GPCPD1: variants seen among roughly 807,000 people sequenced by gnomAD.
GPCPD1 encodes the protein glycerophosphocholine phosphodiesterase 1, also known as glycerophosphocholine phosphodiesterase GPCPD1.
In GPCPD1, 29 loss-of-function variants were observed where a neutral mutation model predicts 89.2. That is an observed-to-expected ratio of 0.33 (90% confidence interval 0.24 to 0.44). GPCPD1 has a LOEUF of 0.44. Among genes scored for constraint, GPCPD1 ranks in the 20% least tolerant of loss-of-function variants. The pLI, the probability that GPCPD1 is intolerant of heterozygous loss-of-function variation, is 1.00. For synonymous variants in GPCPD1, 258 were observed against 266.3 expected (o/e 0.97, Z 0.30); for missense variants, 594 against 808.9 (o/e 0.73, Z 3.22).
intron 3 of GPCPD1, among the ~76,000 whole-genome samples, chr20:5,596,800 AT>A (rs1979761580): frequency 1.3e-5 from 2 of 152,186 alleles, no homozygotes; most frequent in Non-Finnish European, 1.5e-5. Flanking sequence ...ACTCACGAAT[AT>A]TGTCTAAAGG....
chr20:5,547,675 C>T lies in GPCPD1; in HGVS notation c.2005G>A (p.Val669Met), dbSNP rs752260906. 51 of 1,597,188 alleles carry T rather than the reference C, an allele frequency of 3.2e-5. No individual in the cohort carries two copies. The East Asian group carries it at 4.7e-4, about 15-fold the overall frequency. The part of the protein sequence containing the change: ...IHVDANGIDN[V>M]ENA ...TGCAATAAAAACTAAGCATTCTCCA[C>T]GTTATCAATGCCGTTGGCATCCACA... Residue 669 changes from valine to methionine, a missense_variant, in exon 20 of 20, where the codon GTG becomes ATG. By Grantham distance (21) the Val-to-Met change is conservative (BLOSUM62 1). Transcript: ENST00000379019.
chr20:5,588,448 T>A (rs1439611576), intron 4 of GPCPD1, among the ~76,000 whole-genome samples: 1 of 152,126 alleles, frequency 6.6e-6, no homozygotes, highest in East Asian at 1.9e-4. Flanking sequence ...GAGGTTGCAG[T>A]GAGCCAAGAT....
chr20:5,568,805 T>G (rs776650911), intron 12 of GPCPD1, among the ~76,000 whole-genome samples: 1 of 151,978 alleles, frequency 6.6e-6, no homozygotes, highest in South Asian at 2.1e-4. Context: ...CCTAGCTACT[T>G]AGGAGGCTGA....
intron 19 of GPCPD1, among the ~76,000 whole-genome samples, chr20:5,555,219 G>A (rs1568642261): frequency 6.6e-6 from 1 of 152,198 alleles, no homozygotes; most frequent in Non-Finnish European, 1.5e-5. Flanking sequence ...CAGGGTTTGA[G>A]AAGATGGACT....
At chr20:5,569,600 GTC>G in intron 12 of GPCPD1, among the ~76,000 whole-genome samples, 1 of 152,068 alleles carries the variant, frequency 6.6e-6, no homozygotes, top group South Asian at 2.1e-4. Context: ...CCTGCCTGCA[GTC>G]TCTGTCCTCT....
chr20:5,554,514 T>C (rs1398670098), intron 19 of GPCPD1, among the ~76,000 whole-genome samples: 1 of 152,230 alleles, frequency 6.6e-6, no homozygotes, highest in Non-Finnish European at 1.5e-5. Flanking sequence ...ACTTTGTCTG[T>C]GCTCCAGAAA....
At position 5,545,041 on chromosome 20, in the gene GPCPD1, A is replaced by T. The variant is rs1984968515; in HGVS notation, c.*2620T>A. 6.8e-6 allele frequency: 1 copy of T among 147,868 alleles called. No homozygotes were observed. The highest frequency in any genetic ancestry group is 1.5e-5 in the Non-Finnish European group (1 of 67,542). 9.2% of individuals were successfully genotyped at this position (147,868 alleles called of 1,614,324 possible). ...CAGCACATAATTCCAGAGAGTAGAA[A>T]ATACCAGAGGATAATGGCGGCATTT... On this transcript the variant is annotated 3_prime_UTR_variant, in exon 20 of 20. Transcript: ENST00000379019.
chr20:5,585,223 A>C (rs1433438446), intron 5 of GPCPD1: 1 of 152,152 alleles, frequency 6.6e-6, no homozygotes, highest in East Asian at 1.9e-4. Context: ...TATAATTTTA[A>C]GTATACTCTC....
intron 1 of GPCPD1, among the ~76,000 whole-genome samples, chr20:5,607,395 A>T (rs1263244861): frequency 6.6e-6 from 1 of 151,998 alleles, no homozygotes; most frequent in East Asian, 1.9e-4. Context: ...ATTCAAGACC[A>T]GCCTGGCCAA....
chr20:5,584,287 T>C lies in GPCPD1; in HGVS notation c.343A>G (p.Ile115Val). The C allele has an allele frequency of 7.2e-7, 1 of 1,398,558 alleles. No homozygotes were observed. The highest frequency in any genetic ancestry group is 1.4e-5 in the African/African-American group (1 of 70,620). 86.6% of individuals were successfully genotyped at this position (1,398,558 alleles called of 1,614,324 possible). A position where few individuals can be genotyped will look rare whatever the true frequency, so the allele number is the denominator to read the frequency against. Residue 115 changes from isoleucine to valine, a missense_variant, in exon 6 of 20, where the codon ATC becomes GTC. By Grantham distance (29) the Ile-to-Val change is conservative (BLOSUM62 3). Transcript: ENST00000379019. ...GTAAGTCAGTCTCACTTACTGTGGATTCCAAATTGTCCATCGTCAATAATA... is the reference window on the plus strand; with the variant it reads ...GTAAGTCAGTCTCACTTACTGTGGACTCCAAATTGTCCATCGTCAATAATA... ...EIIIDDGQFG[I>V]HNGVETLDSG...
intron 4 of GPCPD1, among the ~76,000 whole-genome samples, chr20:5,589,279 T>C (rs1979156680): frequency 6.6e-6 from 1 of 152,214 alleles, no homozygotes; most frequent in Non-Finnish European, 1.5e-5. Flanking sequence ...TATTAAACTT[T>C]AGAAGGCAAT....
At chr20:5,576,113 T>C in intron 8 of GPCPD1, 135 bp from the exon 9 acceptor site, 1 of 432,806 alleles carries the variant, frequency 2.3e-6, no homozygotes, top group Non-Finnish European at 4.0e-6. Flanking sequence ...ATATATTTTT[T>C]TTTTCATAAA....
chr20:5,586,196 A>C lies in GPCPD1; in HGVS notation c.305T>G (p.Leu102Ter). 1 of 1,527,040 alleles carries C rather than the reference A, an allele frequency of 6.5e-7. No individual in the cohort carries two copies. The highest frequency in any genetic ancestry group is 9.1e-7 in the Non-Finnish European group (1 of 1,100,986). The allele number at this position is 1,527,040 out of a possible 1,614,324, so 94.6% of individuals were successfully genotyped here. The change falls in exon 5 of 20, where the codon TTA (leucine) becomes TGA (stop). Residue 102 changes from leucine (L) to a stop codon, truncating the protein, a stop_gained and splice_region_variant. Transcript: ENST00000379019. LOFTEE classifies it high-confidence loss of function. The part of the protein sequence containing the change: ...THLQPRSITP[L>*]ESEIIIDDGQ... ...ACAGATGCAGTTAATGCCCATACCT[A>C]AAGGGGTTATTGATCGTGGTTGTAG...
At chr20:5,555,785 T>C (rs1032494581) in intron 19 of GPCPD1, among the ~76,000 whole-genome samples, 1 of 151,440 alleles carries the variant, frequency 6.6e-6, no homozygotes, top group Non-Finnish European at 1.5e-5. Context: ...ACCCAGGAGA[T>C]GGAGGTTGCA....
rs572227331 is a variant in GPCPD1, at chr20:5,563,149, A to AT, written c.1330-1620dup. ...AGGCACCCGCCACCACACCAGGCTA[A>AT]TTTTTTATTTTTAATAGAGACGGGG... On this transcript the variant is annotated intron_variant, in intron 15 of 19. Transcript: ENST00000379019. Among the ~76,000 whole-genome samples the AT allele has an allele frequency of 4.3e-3, 651 of 152,078 alleles. 3 individuals carry two copies. The highest frequency in any genetic ancestry group is 0.011 in the South Asian group (53 of 4,812).
At position 5,579,993 on chromosome 20, in the gene GPCPD1, T is replaced by C; in HGVS notation, c.473+15A>G. The C allele has an allele frequency of 1.3e-6, 2 of 1,511,978 alleles. No homozygotes were observed. Among genetic ancestry groups the C allele is most frequent in the Non-Finnish European group, 1.8e-6 (2 of 1,097,690 alleles). 93.7% of individuals were successfully genotyped at this position (1,511,978 alleles called of 1,614,324 possible). On this transcript the variant is annotated intron_variant, in intron 7 of 19. Coordinates refer to ENST00000379019, the MANE Select transcript of GPCPD1 (RefSeq NM_019593.5). Reference sequence around the variant, plus strand: ...GAAAACAAATAGCCTAAGTAACACATAAACATGGTCATACCTAAATCTAGA... The same window carrying C: ...GAAAACAAATAGCCTAAGTAACACACAAACATGGTCATACCTAAATCTAGA...
chr20:5,573,998 A>T, intron 10 of GPCPD1, 29 bp from the exon 11 acceptor site: 2 of 1,079,766 alleles, frequency 1.9e-6, no homozygotes, highest in Non-Finnish European at 2.9e-6. Context: ...GTTAACATAG[A>T]CTATAGAGAA....
At chr20:5,550,971 T>C (rs1422742943) in intron 19 of GPCPD1, among the ~76,000 whole-genome samples, 1 of 152,192 alleles carries the variant, frequency 6.6e-6, no homozygotes, top group Non-Finnish European at 1.5e-5. Flanking sequence ...AGAGAGACAC[T>C]GTCACTCTAG....
At chr20:5,565,350 G>A (rs1986338874) in intron 14 of GPCPD1, among the ~76,000 whole-genome samples, 1 of 151,792 alleles carries the variant, frequency 6.6e-6, no homozygotes, top group Admixed American at 6.6e-5. Flanking sequence ...TCCAGCCTCA[G>A]ACTCCCGAGT....
Sources: allele counts gnomAD v4.1 joint callset (sites outside exome capture counted in the v4.1 genomes callset), GRCh38; gene constraint gnomAD v4.1.1; transcripts MANE v1.5; gene names NCBI Gene and HGNC (gene_info 2026-07-23, HGNC 2026-07-21).